NUMB: variants seen among roughly 807,000 people sequenced by gnomAD.
The protein encoded by NUMB is protein numb homolog.
NUMB carries 29 observed loss-of-function variants against 59.7 expected under a neutral mutation model. The observed-to-expected ratio is 0.49, with a 90% CI of 0.36 to 0.66. The LOEUF (loss-of-function observed/expected upper bound fraction) is 0.66, where lower values mean the gene tolerates loss of function less well. Ranked by LOEUF, NUMB falls within the 30% of genes least tolerant of loss-of-function variation. The pLI is 0.00. For synonymous variants in NUMB, 288 were observed against 288.2 expected, an observed-to-expected ratio of 1.00 and a Z score of 0.01; for missense variants, 723 against 822.0, an observed-to-expected ratio of 0.88 and a Z score of 1.47.
chr14:73,376,788 G>GT (rs1396096946), intron 2 of NUMB, among the ~76,000 whole-genome samples: 2 of 152,148 alleles, frequency 1.3e-5, no homozygotes, highest in African/African-American at 4.8e-5. Context: ...GAAGTGGGAA[G>GT]ACTGCTTGAG....
At chr14:73,454,831 A>T (rs949343327) in intron 1 of NUMB, among the ~76,000 whole-genome samples, 1 of 152,202 alleles carries the variant, frequency 6.6e-6, no homozygotes, top group Admixed American at 6.5e-5. Flanking sequence ...GTTCTCAATT[A>T]TGAAGAATGA....
intron 2 of NUMB, among the ~76,000 whole-genome samples, chr14:73,386,718 G>C (rs1379820122): frequency 6.6e-6 from 1 of 152,084 alleles, no homozygotes; most frequent in African/African-American, 2.4e-5. Flanking sequence ...TCTATATAGT[G>C]AAGTCTAAAG....
chr14:73,357,492 C>T (rs1032016511), intron 3 of NUMB, among the ~76,000 whole-genome samples: 4 of 151,928 alleles, frequency 2.6e-5, no homozygotes, highest in African/African-American at 9.7e-5. Flanking sequence ...GGCACAGTGG[C>T]TCACGTGTGT....
At chr14:73,319,354 T>C (rs1190583565) in intron 5 of NUMB, among the ~76,000 whole-genome samples, 1 of 152,254 alleles carries the variant, frequency 6.6e-6, no homozygotes, top group African/African-American at 2.4e-5. Flanking sequence ...GTGATGAGCA[T>C]AGCTGCCTTC....
chr14:73,404,033 C>A (rs1160700393), intron 2 of NUMB, among the ~76,000 whole-genome samples: 1 of 147,370 alleles, frequency 6.8e-6, no homozygotes, highest in African/African-American at 2.5e-5. Context: ...GCGGAGGTTG[C>A]AGTGAGCCGA....
Position 73,276,558 on chromosome 14 carries a change from T to C in NUMB, c.*20A>G, listed in dbSNP as rs369532050. ...TGCTCCCTGTCTGGTATGGACAAGATACATAGCCATAATGATTGCTTAAAG... is the reference window on the plus strand; with the variant it reads ...TGCTCCCTGTCTGGTATGGACAAGACACATAGCCATAATGATTGCTTAAAG... On this transcript the variant is annotated 3_prime_UTR_variant, in exon 13 of 13. Transcript: ENST00000555238. 4 of 1,589,914 alleles carry C rather than the reference T, an allele frequency of 2.5e-6. No homozygotes were observed. The highest frequency in any genetic ancestry group is 1.1e-5 in the South Asian group (1 of 88,798).
At chr14:73,451,179 A>AAAC (rs1566804090) in intron 1 of NUMB, among the ~76,000 whole-genome samples, 7 of 148,856 alleles carry the variant, frequency 4.7e-5, no homozygotes, top group African/African-American at 1.7e-4. Flanking sequence ...AAAAAACAAA[A>AAAC]AACAAATCTA....
chr14:73,298,344 A>G (rs1227523293), intron 6 of NUMB: 1 of 152,228 alleles, frequency 6.6e-6, no homozygotes, highest in Non-Finnish European at 1.5e-5. Flanking sequence ...ACAAGTGTGC[A>G]CCACTGTACC....
chr14:73,396,700 C>T (rs1336676529), intron 2 of NUMB, among the ~76,000 whole-genome samples: 1 of 151,976 alleles, frequency 6.6e-6, no homozygotes, highest in African/African-American at 2.4e-5. Context: ...CAACTAAAGA[C>T]CTTAAAATGA....
chr14:73,314,122 AAAAG>A (rs902839046), intron 6 of NUMB, among the ~76,000 whole-genome samples: 2 of 152,220 alleles, frequency 1.3e-5, no homozygotes, highest in African/African-American at 2.4e-5. Context: ...TACTCTATAA[AAAAG>A]AAAGTAAAAG....
chr14:73,443,543 C>T (rs1360000886), intron 1 of NUMB, among the ~76,000 whole-genome samples: 5 of 149,096 alleles, frequency 3.4e-5, no homozygotes, highest in Non-Finnish European at 7.4e-5. Flanking sequence ...TGCAGTGAGC[C>T]GAGACCATGC....
intron 6 of NUMB, among the ~76,000 whole-genome samples, chr14:73,300,334 G>A (rs1172866559): frequency 6.6e-6 from 1 of 152,200 alleles, no homozygotes; most frequent in Non-Finnish European, 1.5e-5. Flanking sequence ...GATGAAGACA[G>A]ATTTGTAAAG....
intron 4 of NUMB, among the ~76,000 whole-genome samples, chr14:73,335,608 T>C (rs564087292): frequency 1.3e-5 from 2 of 152,308 alleles, no homozygotes; most frequent in Admixed American, 1.3e-4. Flanking sequence ...AAATGTACTT[T>C]AGAAAAACTA....
At chr14:73,325,481 T>C (rs866911470) in intron 4 of NUMB, among the ~76,000 whole-genome samples, 1 of 152,100 alleles carries the variant, frequency 6.6e-6, no homozygotes, top group African/African-American at 2.4e-5. Context: ...TGAAGAAAAC[T>C]TTTTAAAATA....
intron 1 of NUMB, among the ~76,000 whole-genome samples, chr14:73,418,187 G>C (rs1007302192): frequency 6.6e-6 from 1 of 152,142 alleles, no homozygotes; most frequent in East Asian, 1.9e-4. Context: ...CTGCCACAAA[G>C]ATGAACCTTG....
At chr14:73,278,100 AG>A (rs2139789800) in intron 12 of NUMB, among the ~76,000 whole-genome samples, 1 of 150,148 alleles carries the variant, frequency 6.7e-6, no homozygotes, top group Admixed American at 6.6e-5. Context: ...AAAGGGCCCA[AG>A]GCAATTCATC....
At chr14:73,380,242 G>A (rs184242561) in intron 2 of NUMB, among the ~76,000 whole-genome samples, 1 of 152,280 alleles carries the variant, frequency 6.6e-6, no homozygotes, top group East Asian at 1.9e-4. Flanking sequence ...TATCTTATGG[G>A]TAGAACTAAC....
intron 11 of NUMB, chr14:73,281,463 C>A (rs1345133968): frequency 6.6e-6 from 1 of 152,072 alleles, no homozygotes; most frequent in African/African-American, 2.4e-5. Flanking sequence ...AGAAAAAGAC[C>A]CTTGGAGAAA....
At chr14:73,454,408 T>C (rs536767629) in intron 1 of NUMB, among the ~76,000 whole-genome samples, 192 of 152,232 alleles carry the variant, frequency 1.3e-3, no homozygotes, top group African/African-American at 4.3e-3. Flanking sequence ...CGAAGCAAAC[T>C]AAAAAACTAG....
Sources: allele counts gnomAD v4.1 joint callset (sites outside exome capture counted in the v4.1 genomes callset), GRCh38; gene constraint gnomAD v4.1.1; transcripts MANE v1.5; gene names NCBI Gene and HGNC (gene_info 2026-07-23, HGNC 2026-07-21).